The following PEF1 variants were observed in gnomAD, a reference collection of about 807,000 sequenced individuals.
PEF1 encodes the protein peflin.
A neutral mutation model predicts 32.0 loss-of-function variants in PEF1; 17 were observed. The ratio of observed to expected loss-of-function variants is 0.53; its 90% CI spans 0.36 to 0.80. PEF1 has a LOEUF of 0.80. Ranked by LOEUF, PEF1 falls within the 30% of genes least tolerant of loss-of-function variation. PEF1 has a pLI of 0.00. For synonymous variants in PEF1, 130 were observed against 139.8 expected (o/e 0.93, Z 0.50); for missense variants, 362 against 369.1 (o/e 0.98, Z 0.16).
intron 4 of PEF1, among the ~76,000 whole-genome samples, chr1:31,631,058 T>C (rs1245873295): frequency 6.6e-6 from 1 of 152,202 alleles, no homozygotes; most frequent in African/African-American, 2.4e-5. Flanking sequence ...CCCTCATCCC[T>C]CTTTCTCCAA....
At position 31,644,874 on chromosome 1, in the gene PEF1, G is replaced by A. The variant is rs559455105; in HGVS notation, c.-10C>T. 3.7e-6 allele frequency: 6 copies of A among 1,613,644 alleles called. No homozygotes were observed. The African/African-American group carries it at 6.7e-5, about 18-fold the overall frequency. On this transcript the variant is annotated 5_prime_UTR_variant, in exon 1 of 5. Transcript: ENST00000373703. ...AAGGATAGCTGGCCATGGTGATTCTGACGTCACACTCAGGCAAGGGGTGGG... is the reference window on the plus strand; with the variant it reads ...AAGGATAGCTGGCCATGGTGATTCTAACGTCACACTCAGGCAAGGGGTGGG...
In PEF1 at chr1:31,643,140, C is replaced by T. The variant is rs540011087; in HGVS notation, c.24+1701G>A. 2.6e-5 allele frequency among the ~76,000 whole-genome samples: 4 copies of T among 152,314 alleles called. No individual in the cohort carries two copies. The South Asian group carries it at 6.2e-4, about 24-fold the overall frequency. ...TATGAATGTTTTTTCAGCCTGTGTTCCTCAGAAATACTAGAGTCAAAAAAG... is the reference window on the plus strand; with the variant it reads ...TATGAATGTTTTTTCAGCCTGTGTTTCTCAGAAATACTAGAGTCAAAAAAG... On this transcript the variant is annotated intron_variant, in intron 1 of 4. Coordinates refer to ENST00000373703, the MANE Select transcript of PEF1 (RefSeq NM_012392.4).
chr1:31,630,943 G>A, intron 4 of PEF1, 101 bp from the exon 5 acceptor site: 1 of 987,898 alleles, frequency 1.0e-6, no homozygotes, highest in Admixed American at 2.0e-5. Context: ...AACTTCGAGA[G>A]GATGGGCACA....
chr1:31,641,310 AG>A (rs1640385412), intron 1 of PEF1, among the ~76,000 whole-genome samples: 1 of 152,180 alleles, frequency 6.6e-6, no homozygotes, highest in South Asian at 2.1e-4. Context: ...TCTTTAGCCT[AG>A]ATTACCTCAA....
chr1:31,643,716 T>C (rs1274931988), intron 1 of PEF1, among the ~76,000 whole-genome samples: 1 of 152,360 alleles, frequency 6.6e-6, no homozygotes, highest in Middle Eastern at 3.4e-3. Context: ...CTGTTACATC[T>C]TTTGGCCTGT....
chr1:31,630,956 A>C (rs1033586957), intron 4 of PEF1, 114 bp from the exon 5 acceptor site: 1 of 859,288 alleles, frequency 1.2e-6, no homozygotes, highest in African/African-American at 1.7e-5. Context: ...TGGGCACAGA[A>C]GCACAAAGAG....
At chr1:31,635,111 G>A in intron 2 of PEF1, 111 bp downstream of exon 2, 7 of 1,319,874 alleles carry the variant, frequency 5.3e-6, no homozygotes, top group Non-Finnish European at 6.4e-6. Context: ...GAAGCAAGAT[G>A]CTAAGGTGCC....
Position 31,630,714 on chromosome 1 carries a change from C to A in PEF1, c.754G>T (p.Val252Leu), listed in dbSNP as rs1321169406. Residue 252 changes from valine to leucine, a missense_variant, in exon 5 of 5, where the codon GTG becomes TTG. By Grantham distance (32) the Val-to-Leu change is conservative (BLOSUM62 1). Transcript: ENST00000373703. ...TTCTCCCGGAAGGCCTCTGTCAGCA[C>A]CTGCAGCTGGGTGCACACCTGGATG... is the stretch of plus-strand genomic sequence containing the variant. Reference protein sequence around the residue: ...RFIQVCTQLQVLTEAFREKDT... With the variant: ...RFIQVCTQLQLLTEAFREKDT... 3 of 1,614,166 alleles carry A rather than the reference C, an allele frequency of 1.9e-6. No homozygotes were observed. The highest frequency in any genetic ancestry group is 2.5e-6 in the Non-Finnish European group (3 of 1,180,042).
intron 1 of PEF1, among the ~76,000 whole-genome samples, chr1:31,639,725 A>G (rs1359964169): frequency 6.6e-6 from 1 of 152,236 alleles, no homozygotes; most frequent in Non-Finnish European, 1.5e-5. Flanking sequence ...TAGACCAGAC[A>G]TGACTTGGTG....
intron 3 of PEF1, among the ~76,000 whole-genome samples, 199 bp from the exon 4 acceptor site, chr1:31,632,837 C>T (rs890462578): frequency 3.3e-5 from 5 of 152,218 alleles, no homozygotes; most frequent in Non-Finnish European, 7.3e-5. Context: ...ACACCTTTAG[C>T]CCCACCCCAT....
At chr1:31,634,766 T>A in intron 2 of PEF1, 1 of 437,888 alleles carries the variant, frequency 2.3e-6, no homozygotes, top group Non-Finnish European at 4.7e-6. Context: ...TTTCCCATCC[T>A]ACTGATGTCA....
chr1:31,639,083 G>T (rs954478965), intron 1 of PEF1, among the ~76,000 whole-genome samples: 1 of 152,202 alleles, frequency 6.6e-6, no homozygotes, highest in Non-Finnish European at 1.5e-5. Flanking sequence ...TGGAGGAAGT[G>T]GCAGTGATAT....
chr1:31,632,355 T>C, intron 4 of PEF1, 140 bp downstream of exon 4: 2 of 1,422,900 alleles, frequency 1.4e-6, no homozygotes, highest in Non-Finnish European at 2.0e-6. Context: ...GGGTGAGGGA[T>C]GCAGGCCTGC....
In PEF1 at chr1:31,635,269, G is replaced by A; in HGVS notation, c.278C>T (p.Pro93Leu). ...CTGGGCACCGTAGGAACTTGGAGGT[G>A]GCTGACCATAGGGGCCCCCGGGAGC... is the stretch of plus-strand genomic sequence containing the variant. The part of the protein sequence containing the change: ...GAAPGGPYGQ[P>L]PPSSYGAQQP... Residue 93 changes from proline (P) to leucine (L), a missense_variant, in exon 2 of 5, where the codon CCA (proline) becomes CTA (leucine). Coordinates refer to ENST00000373703, the MANE Select transcript of PEF1 (RefSeq NM_012392.4). The A allele has an allele frequency of 6.2e-7, 1 of 1,614,156 alleles. No individual in the cohort carries two copies. The highest frequency in any genetic ancestry group is 8.5e-7 in the Non-Finnish European group (1 of 1,180,010).
In PEF1 at chr1:31,636,683, G is replaced by T. The variant is rs1185848016; in HGVS notation, c.25-1161C>A. Among the ~76,000 whole-genome samples the T allele has an allele frequency of 7.2e-5, 11 of 152,264 alleles. No homozygotes were observed. The East Asian group carries it at 2.1e-3, about 29-fold the overall frequency. On this transcript the variant is annotated intron_variant, in intron 1 of 4. Coordinates refer to ENST00000373703, the MANE Select transcript of PEF1 (RefSeq NM_012392.4). ...TGACATTGGGCCTGACACAAATTAA[G>T]CACTCAATAAACACTATTAATAATA...
chr1:31,632,265 C>G, intron 4 of PEF1: 1 of 746,906 alleles, frequency 1.3e-6, no homozygotes, highest in South Asian at 1.6e-5. Context: ...ACCCAGCACT[C>G]CAGGGTCCAG....
intron 1 of PEF1, among the ~76,000 whole-genome samples, chr1:31,643,480 TCCTA>T (rs1640460485): frequency 6.6e-6 from 1 of 152,190 alleles, no homozygotes. Flanking sequence ...CCTCTCTCTT[TCCTA>T]CCTCTCTCTA....
At chr1:31,641,872 G>A (rs535020237) in intron 1 of PEF1, among the ~76,000 whole-genome samples, 14 of 152,252 alleles carry the variant, frequency 9.2e-5, no homozygotes, top group Admixed American at 2.6e-4. Flanking sequence ...AGCACTTTAC[G>A]TGGATTTTCT....
In PEF1 at chr1:31,635,271, C is replaced by T. The variant is rs749103112; in HGVS notation, c.276G>A (p.Gln92=). The change falls in exon 2 of 5, where the codon CAG becomes CAA. Residue 92 remains glutamine (Q), a synonymous_variant. Transcript: ENST00000373703. ...GGGCACCGTAGGAACTTGGAGGTGG[C>T]TGACCATAGGGGCCCCCGGGAGCTG... ...GGAAPGGPYG[Q]PPPSSYGAQQ... 7 of 1,614,140 alleles carry T rather than the reference C, an allele frequency of 4.3e-6. No homozygotes were observed. The East Asian group carries it at 1.3e-4, about 31-fold the overall frequency.
Sources: allele counts gnomAD v4.1 joint callset (sites outside exome capture counted in the v4.1 genomes callset), GRCh38; gene constraint gnomAD v4.1.1; transcripts MANE v1.5; gene names NCBI Gene and HGNC (gene_info 2026-07-23, HGNC 2026-07-21).